SH3GL2: variants seen among roughly 807,000 people sequenced by gnomAD.
SH3GL2 encodes the protein SH3 domain containing GRB2 like 2, endophilin A1, also known as endophilin-A1.
Under a neutral mutation model 46.0 loss-of-function variants are expected in SH3GL2, and 24 were observed. The observed-to-expected ratio is 0.52, with a 90% CI of 0.38 to 0.73. SH3GL2 has a LOEUF of 0.73. Ranked by LOEUF, SH3GL2 falls within the 30% of genes least tolerant of loss-of-function variation. SH3GL2 has a pLI of 0.00. For missense variants in SH3GL2, 413 were observed against 424.2 expected, an observed-to-expected ratio of 0.97 and a Z score of 0.23; for synonymous variants, 196 against 147.1, an observed-to-expected ratio of 1.33 and a Z score of -2.40.
intron 1 of SH3GL2, among the ~76,000 whole-genome samples, chr9:17,742,164 A>T (rs1405887944): frequency 1.3e-5 from 2 of 152,060 alleles, no homozygotes; most frequent in East Asian, 3.9e-4. Context: ...TTTCAAGGAG[A>T]CCTTTTTAAA....
intron 2 of SH3GL2, among the ~76,000 whole-genome samples, chr9:17,750,199 C>G (rs1393062293): frequency 2.6e-5 from 4 of 151,998 alleles, no homozygotes; most frequent in African/African-American, 7.2e-5. Flanking sequence ...ATTATTCACA[C>G]AAATGTTTGA....
chr9:17,583,792 T>A (rs1387522740), intron 1 of SH3GL2, among the ~76,000 whole-genome samples: 1 of 152,232 alleles, frequency 6.6e-6, no homozygotes, highest in African/African-American at 2.4e-5. Context: ...TTACCTAATT[T>A]CCTCTTTCAG....
At chr9:17,613,879 A>G (rs1818924399) in intron 1 of SH3GL2, among the ~76,000 whole-genome samples, 1 of 152,180 alleles carries the variant, frequency 6.6e-6, no homozygotes, top group Admixed American at 6.5e-5. Context: ...GACTAAGCTC[A>G]TCTTAATGCC....
rs920317559 is a variant in SH3GL2, at chr9:17,791,996, T to C, written c.728+662T>C. On this transcript the variant is annotated intron_variant, in intron 7 of 8. Coordinates refer to ENST00000380607, the MANE Select transcript of SH3GL2 (RefSeq NM_003026.5). ...GCTATATACCAGTGGCCCTATGTTA[T>C]AATATGTGTTATTTTAATTTAGCCA... Among the ~76,000 whole-genome samples, 29 of 152,294 alleles carry C rather than the reference T, an allele frequency of 1.9e-4. 1 individual carries two copies. The highest frequency in any genetic ancestry group is 2.1e-4 in the South Asian group (1 of 4,824).
chr9:17,638,031 C>A (rs1819582553), intron 1 of SH3GL2, among the ~76,000 whole-genome samples: 1 of 152,066 alleles, frequency 6.6e-6, no homozygotes, highest in Non-Finnish European at 1.5e-5. Context: ...GTGGCAGGCG[C>A]CTGTAGTCCC....
intron 3 of SH3GL2, among the ~76,000 whole-genome samples, chr9:17,772,263 C>A (rs1056941795): frequency 1.1e-4 from 16 of 152,160 alleles, no homozygotes; most frequent in Non-Finnish European, 1.5e-4. Context: ...ACTCATCTTA[C>A]AATTGTAATC....
intron 1 of SH3GL2, among the ~76,000 whole-genome samples, chr9:17,616,210 ATAAAT>A (rs1292784888): frequency 1.3e-5 from 2 of 152,200 alleles, no homozygotes; most frequent in African/African-American, 4.8e-5. Context: ...AAAAAAAGAG[ATAAAT>A]TAGGAAGCTT....
At chr9:17,660,321 C>A (rs1820181412) in intron 1 of SH3GL2, among the ~76,000 whole-genome samples, 1 of 152,182 alleles carries the variant, frequency 6.6e-6, no homozygotes, top group Admixed American at 6.5e-5. Flanking sequence ...ACTCCTCAAG[C>A]TGTGTGTCTG....
chr9:17,591,118 A>T (rs1342550985), intron 1 of SH3GL2: 1 of 152,200 alleles, frequency 6.6e-6, no homozygotes. Context: ...AGACACAGAC[A>T]TGTAAAGCAT....
At chr9:17,652,097 A>C (rs529088887) in intron 1 of SH3GL2, among the ~76,000 whole-genome samples, 1 of 151,876 alleles carries the variant, frequency 6.6e-6, no homozygotes, top group South Asian at 2.1e-4. Context: ...CTGCTTTCAC[A>C]TTTCTGGCTT....
At chr9:17,683,098 A>C (rs1025640950) in intron 1 of SH3GL2, among the ~76,000 whole-genome samples, 1 of 152,114 alleles carries the variant, frequency 6.6e-6, no homozygotes, top group Non-Finnish European at 1.5e-5. Context: ...ACAGGACAAG[A>C]CATTTGCTTA....
rs140767064 is a variant in SH3GL2, at chr9:17,743,218, A to G, written c.46-3848A>G. Among the ~76,000 whole-genome samples the G allele has an allele frequency of 1.5e-4, 23 of 152,314 alleles. No individual in the cohort carries two copies. In the East Asian group the frequency reaches 4.4e-3, roughly 29 times the overall value. ...TTGCCATACTCCTAAGGAATGAGTC[A>G]GTTGTTACATAGTCTGCTGTTAAAT... On this transcript the variant is annotated intron_variant, in intron 1 of 8. Coordinates refer to ENST00000380607, the MANE Select transcript of SH3GL2 (RefSeq NM_003026.5).
chr9:17,700,377 G>T (rs6475164), intron 1 of SH3GL2, among the ~76,000 whole-genome samples: 11,945 of 152,084 alleles, frequency 0.079, 1,531 homozygotes, highest in African/African-American at 0.27. Context: ...TGTAAATTCA[G>T]GGTCTTCAAG....
At chr9:17,677,217 C>G (rs182531192) in intron 1 of SH3GL2, among the ~76,000 whole-genome samples, 18 of 152,224 alleles carry the variant, frequency 1.2e-4, no homozygotes, top group African/African-American at 2.9e-4. Context: ...TTGAAGCAAA[C>G]GTGGAACTCT....
intron 1 of SH3GL2, among the ~76,000 whole-genome samples, chr9:17,695,201 C>G (rs1220098631): frequency 6.6e-6 from 1 of 152,028 alleles, no homozygotes; most frequent in Non-Finnish European, 1.5e-5. Context: ...TTATTGGTGT[C>G]TTGTAGCATA....
intron 1 of SH3GL2, among the ~76,000 whole-genome samples, chr9:17,670,554 T>C (rs1820448864): frequency 6.6e-6 from 1 of 152,236 alleles, no homozygotes; most frequent in Non-Finnish European, 1.5e-5. Context: ...AAAACAGTTG[T>C]ATTATGCCAG....
chr9:17,714,180 G>A (rs1821694775), intron 1 of SH3GL2, among the ~76,000 whole-genome samples: 1 of 151,588 alleles, frequency 6.6e-6, no homozygotes, highest in South Asian at 2.1e-4. Context: ...TACTTGTGTT[G>A]ACTTGTGTTA....
chr9:17,649,624 A>C (rs1205534456), intron 1 of SH3GL2, among the ~76,000 whole-genome samples: 1 of 152,208 alleles, frequency 6.6e-6, no homozygotes, highest in Non-Finnish European at 1.5e-5. Context: ...TAACTTACAC[A>C]AGGGAGTTTG....
intron 1 of SH3GL2, among the ~76,000 whole-genome samples, chr9:17,672,569 T>C (rs1183462126): frequency 6.6e-6 from 1 of 152,156 alleles, no homozygotes; most frequent in Non-Finnish European, 1.5e-5. Context: ...TCCTGATCTG[T>C]AATCCTTCAG....
Sources: gnomAD v4.1 joint callset for allele counts (sites outside exome capture counted in the v4.1 genomes callset) on GRCh38, gnomAD v4.1.1 for gene constraint, MANE v1.5 for transcripts, NCBI Gene and HGNC (gene_info 2026-07-23, HGNC 2026-07-21) for gene names.